PCLO: variants seen among roughly 807,000 people sequenced by gnomAD.
PCLO encodes piccolo presynaptic cytomatrix protein.
PCLO carries 82 observed loss-of-function variants against 427.5 expected under a neutral mutation model. The ratio of observed to expected loss-of-function variants is 0.19; its 90% CI spans 0.16 to 0.23. PCLO has a LOEUF of 0.23. Among genes scored for constraint, PCLO ranks in the 10% least tolerant of loss-of-function variants. The pLI, the probability that PCLO is intolerant of heterozygous loss-of-function variation, is 1.00. For synonymous variants in PCLO, 2,357 were observed against 2,155.4 expected (o/e 1.09, Z -2.59); for missense variants, 6,239 against 6,115.9 (o/e 1.02, Z -0.67).
intron 6 of PCLO, among the ~76,000 whole-genome samples, chr7:82,930,201 G>A (rs62458561): frequency 0.099 from 14,991 of 152,084 alleles, 923 homozygotes; most frequent in African/African-American, 0.16. Context: ...GGATTTCCTG[G>A]TGGCAGGACA....
At chr7:83,104,639 A>G (rs1309211463) in intron 3 of PCLO, among the ~76,000 whole-genome samples, 1 of 152,106 alleles carries the variant, frequency 6.6e-6, no homozygotes, top group Non-Finnish European at 1.5e-5. Context: ...ATTATCTTAA[A>G]ATATATCTAT....
intron 22 of PCLO, among the ~76,000 whole-genome samples, chr7:82,762,868 A>AT (rs1460536876): frequency 6.6e-6 from 1 of 151,844 alleles, no homozygotes; most frequent in Non-Finnish European, 1.5e-5. Context: ...TCTCAAACTC[A>AT]TGGCCTTAAG....
At chr7:82,867,016 G>C (rs1288550603) in intron 10 of PCLO, among the ~76,000 whole-genome samples, 1 of 152,020 alleles carries the variant, frequency 6.6e-6, no homozygotes. Flanking sequence ...AATGTATTCT[G>C]CATTTCTTTA....
At chr7:82,941,270 G>C (rs1795079180) in intron 6 of PCLO, among the ~76,000 whole-genome samples, 1 of 151,978 alleles carries the variant, frequency 6.6e-6, no homozygotes, top group African/African-American at 2.4e-5. Flanking sequence ...CAATTATGTT[G>C]TTACTGTCTA....
chr7:82,820,751 A>T (rs1439790625), intron 20 of PCLO: 53 of 1,231,382 alleles, frequency 4.3e-5, no homozygotes, highest in Non-Finnish European at 5.4e-5. Context: ...CTGGTAGGCT[A>T]ACTTGAACTG....
At chr7:82,779,297 A>C (rs1486807690) in intron 22 of PCLO, among the ~76,000 whole-genome samples, 1 of 152,088 alleles carries the variant, frequency 6.6e-6, no homozygotes, top group African/African-American at 2.4e-5. Flanking sequence ...GTTTTCACAT[A>C]ATTTTTTACC....
At chr7:83,012,094 TCA>T (rs1788092474) in intron 3 of PCLO, among the ~76,000 whole-genome samples, 1 of 152,108 alleles carries the variant, frequency 6.6e-6, no homozygotes, top group African/African-American at 2.4e-5. Context: ...AAACCACTGT[TCA>T]CAAACTCAAA....
chr7:82,821,921 A>T, intron 20 of PCLO: 2 of 985,638 alleles, frequency 2.0e-6, no homozygotes, highest in Non-Finnish European at 2.4e-6. Flanking sequence ...ATGGAAAGCT[A>T]CCATATTTCA....
intron 3 of PCLO, among the ~76,000 whole-genome samples, chr7:83,028,329 C>A (rs1326281346): frequency 3.4e-5 from 5 of 148,956 alleles, no homozygotes; most frequent in East Asian, 4.0e-4. Context: ...AAACAGAGAG[C>A]CAAATCATGA....
Position 83,025,124 on chromosome 7 carries a change from GAGA to G in PCLO, c.3301-58640_3301-58638del, listed in dbSNP as rs1390952045. ...ACGGAGAACGACTTTGACGAGCTGA[GAGA>G]AGAAGGCTTCAGACGATCAAATTAC... On this transcript the variant is annotated intron_variant, in intron 3 of 24. Transcript: ENST00000333891. Among the ~76,000 whole-genome samples the G allele has an allele frequency of 5.9e-5, 9 of 152,280 alleles. 1 individual carries two copies. The South Asian group carries it at 1.2e-3, about 21-fold the overall frequency.
rs1023215753 is a variant in PCLO at position 82,822,351 on chromosome 7, T to A, written c.14791+144A>T. ...GAAAGAGCATATTAATGTATTTATATCGTTCTTACACAGACAAAGGGACAG... is the reference window on the plus strand; with the variant it reads ...GAAAGAGCATATTAATGTATTTATAACGTTCTTACACAGACAAAGGGACAG... On this transcript the variant is annotated intron_variant, in intron 20 of 24. Transcript: ENST00000333891. 2.6e-6 allele frequency: 4 copies of A among 1,512,456 alleles called. No homozygotes were observed. The African/African-American group carries it at 5.6e-5, about 21-fold the overall frequency. 93.7% of individuals were successfully genotyped at this position (1,512,456 alleles called of 1,614,324 possible).
intron 3 of PCLO, among the ~76,000 whole-genome samples, chr7:82,993,485 T>A (rs185253142): frequency 6.6e-6 from 1 of 152,132 alleles, no homozygotes; most frequent in East Asian, 1.9e-4. Context: ...AGTAGTTTAA[T>A]CTGTATATAT....
chr7:82,803,147 A>G (rs1427707552), intron 21 of PCLO, among the ~76,000 whole-genome samples: 1 of 152,078 alleles, frequency 6.6e-6, no homozygotes, highest in African/African-American at 2.4e-5. Context: ...TTAAGAAAAA[A>G]AAAAGAACTC....
chr7:83,148,413 T>C (rs2116661854), intron 2 of PCLO, among the ~76,000 whole-genome samples: 1 of 152,330 alleles, frequency 6.6e-6, no homozygotes, highest in South Asian at 2.1e-4. Context: ...CTTAATAGAA[T>C]ACATGCTCCA....
chr7:83,049,229 G>A (rs1220072318), intron 3 of PCLO, among the ~76,000 whole-genome samples: 4 of 152,038 alleles, frequency 2.6e-5, no homozygotes, highest in African/African-American at 7.2e-5. Flanking sequence ...AGATAAGAGC[G>A]GCAATATATG....
intron 3 of PCLO, among the ~76,000 whole-genome samples, chr7:83,132,168 T>C (rs1236737448): frequency 6.6e-6 from 1 of 152,132 alleles, no homozygotes; most frequent in Non-Finnish European, 1.5e-5. Context: ...CAAGATCTTA[T>C]ACTAACTGAA....
intron 3 of PCLO, among the ~76,000 whole-genome samples, chr7:83,071,919 T>G (rs1789826883): frequency 6.6e-6 from 1 of 152,160 alleles, no homozygotes; most frequent in Non-Finnish European, 1.5e-5. Flanking sequence ...ATCTGAAATG[T>G]AGGAGGAGAG....
chr7:82,950,734 G>T lies in PCLO; in HGVS notation c.9854C>A (p.Thr3285Lys). 1 of 1,613,782 alleles carries T rather than the reference G, an allele frequency of 6.2e-7. No individual in the cohort carries two copies. Residue 3285 changes from threonine (T) to lysine (K), a missense_variant, in exon 6 of 25, where the codon ACG becomes AAG. Coordinates refer to ENST00000333891, the MANE Select transcript of PCLO (RefSeq NM_033026.6). ...RQAQFMMRQE[T>K]LAQQQLQLEQ... ...AAGCTGTAACTGTTGCTGAGCTAAC[G>T]TCTCCTGCCTCATCATGAACTGGGC...
At chr7:82,989,424 TATA>T (rs1796326471) in intron 3 of PCLO, among the ~76,000 whole-genome samples, 1 of 152,110 alleles carries the variant, frequency 6.6e-6, no homozygotes, top group Non-Finnish European at 1.5e-5. Context: ...ACTTGAAAAT[TATA>T]ATAATCATAT....
Sources: allele counts gnomAD v4.1 joint callset (sites outside exome capture counted in the v4.1 genomes callset), GRCh38; gene constraint gnomAD v4.1.1; transcripts MANE v1.5; gene names NCBI Gene and HGNC (gene_info 2026-07-23, HGNC 2026-07-21).